Variants in KCNH5 observed in about 807,000 individuals in gnomAD.
KCNH5 encodes potassium voltage-gated channel subfamily H member 5.
Under a neutral mutation model 96.1 loss-of-function variants are expected in KCNH5, and 46 were observed. The observed-to-expected ratio is 0.48, with a 90% CI of 0.38 to 0.61. The LOEUF is 0.61. Among genes scored for constraint, KCNH5 ranks in the 20% least tolerant of loss-of-function variants. The pLI, the probability that KCNH5 is intolerant of heterozygous loss-of-function variation, is 0.00. For synonymous variants in KCNH5, 439 were observed against 449.8 expected, an observed-to-expected ratio of 0.98 and a Z score of 0.30; for missense variants, 907 against 1,225.8, an observed-to-expected ratio of 0.74 and a Z score of 3.88.
At chr14:62,929,618 TATG>T (rs1382793249) in intron 7 of KCNH5, among the ~76,000 whole-genome samples, 2 of 152,098 alleles carry the variant, frequency 1.3e-5, no homozygotes, top group Non-Finnish European at 2.9e-5. Flanking sequence ...AGACTTTAAT[TATG>T]ATATTTTTGA....
chr14:62,712,451 T>C lies in KCNH5; in HGVS notation c.2020-3996A>G, dbSNP rs1047987677. ...TGTAGGACACAGGTCATATTATTCT[T>C]TTATCACAGAGAAGCAAATTGAGGC... On this transcript the variant is annotated intron_variant, in intron 10 of 10. Coordinates refer to ENST00000322893, the MANE Select transcript of KCNH5 (RefSeq NM_139318.5). 1.2e-4 allele frequency: 73 copies of C among 586,190 alleles called. No individual in the cohort carries two copies. In the African/African-American group the frequency reaches 1.2e-3, roughly 10 times the overall value. The allele number at this position is 586,190 out of a possible 1,614,324, so 36.3% of individuals were successfully genotyped here. A position where few individuals can be genotyped will look rare whatever the true frequency, so the allele number is the denominator to read the frequency against.
chr14:62,853,494 A>ATATATATGATATATATATATATAT (rs375695583), intron 7 of KCNH5, among the ~76,000 whole-genome samples: 1 of 102,072 alleles, frequency 9.8e-6, no homozygotes, highest in African/African-American at 3.5e-5. Context: ...ATATATATAT[A>ATATATATGATATATATATATATAT]ATCTTGGCCA....
At chr14:62,910,899 C>CCCCACA (rs1555363116) in intron 7 of KCNH5, among the ~76,000 whole-genome samples, 7 of 140,256 alleles carry the variant, frequency 5.0e-5, no homozygotes, top group African/African-American at 1.6e-4. Flanking sequence ...TGTGCATACA[C>CCCCACA]CACACACACA....
intron 8 of KCNH5, among the ~76,000 whole-genome samples, chr14:62,812,017 A>G (rs953077190): frequency 1.3e-5 from 2 of 152,188 alleles, no homozygotes; most frequent in East Asian, 3.8e-4. Context: ...GATAAAGTGA[A>G]TGTGTCTCAT....
intron 7 of KCNH5, among the ~76,000 whole-genome samples, chr14:62,854,015 A>C (rs1468982041): frequency 1.7e-5 from 2 of 120,080 alleles, no homozygotes; most frequent in Non-Finnish European, 1.9e-5. Flanking sequence ...AAAAAAAAAA[A>C]AAACAAAAAA....
At chr14:62,983,154 G>A (rs962745839) in intron 5 of KCNH5, among the ~76,000 whole-genome samples, 3 of 152,160 alleles carry the variant, frequency 2.0e-5, no homozygotes, top group Non-Finnish European at 4.4e-5. Context: ...TACCACCTTC[G>A]TGGACCCTAA....
intron 7 of KCNH5, among the ~76,000 whole-genome samples, chr14:62,876,628 T>A (rs759359892): frequency 2.6e-5 from 4 of 152,160 alleles, no homozygotes; most frequent in Non-Finnish European, 4.4e-5. Context: ...TAAGGATAAA[T>A]TTAACTGAAT....
intron 4 of KCNH5, among the ~76,000 whole-genome samples, chr14:62,993,771 A>T (rs192640385): frequency 6.6e-6 from 1 of 152,070 alleles, no homozygotes; most frequent in African/African-American, 2.4e-5. Flanking sequence ...AACTTTTCCA[A>T]GTGATACATT....
At chr14:62,777,580 T>C (rs1886123442) in intron 10 of KCNH5, among the ~76,000 whole-genome samples, 1 of 152,198 alleles carries the variant, frequency 6.6e-6, no homozygotes, top group Non-Finnish European at 1.5e-5. Flanking sequence ...ACCCTTTTCC[T>C]ACTATTTGCC....
intron 8 of KCNH5, among the ~76,000 whole-genome samples, chr14:62,838,948 G>A (rs904906761): frequency 3.9e-5 from 6 of 152,138 alleles, no homozygotes; most frequent in Admixed American, 6.6e-5. Context: ...AATGTTGGTT[G>A]TAGCTCATTT....
chr14:62,967,174 G>A (rs943465148), intron 6 of KCNH5, among the ~76,000 whole-genome samples: 1 of 151,994 alleles, frequency 6.6e-6, no homozygotes, highest in African/African-American at 2.4e-5. Context: ...CATAAGCTAT[G>A]GTGTCCTTAT....
At chr14:62,865,867 T>C (rs1166756639) in intron 7 of KCNH5, among the ~76,000 whole-genome samples, 1 of 152,208 alleles carries the variant, frequency 6.6e-6, no homozygotes, top group East Asian at 1.9e-4. Context: ...CAAGTTATTT[T>C]ATATATGATG....
At position 62,865,021 on chromosome 14, in the gene KCNH5, T is replaced by C. The variant is rs183845025; in HGVS notation, c.1370-15169A>G. On this transcript the variant is annotated intron_variant, in intron 7 of 10. Coordinates refer to ENST00000322893, the MANE Select transcript of KCNH5 (RefSeq NM_139318.5). Reference sequence around the variant, plus strand: ...AACAGGTGTTTACTACACCAACCAGTGTCACAGACTGAAAACGAGATGGAA... The same window carrying C: ...AACAGGTGTTTACTACACCAACCAGCGTCACAGACTGAAAACGAGATGGAA... Among the ~76,000 whole-genome samples the C allele has an allele frequency of 6.6e-5, 10 of 152,148 alleles. No individual in the cohort carries two copies. In the East Asian group the frequency reaches 1.7e-3, roughly 26 times the overall value.
rs144632387 is a variant in KCNH5, at chr14:62,813,942, C to T, written c.1570-11361G>A. Among the ~76,000 whole-genome samples the T allele has an allele frequency of 2.4e-3, 358 of 152,276 alleles. 3 individuals are homozygous for T. Among genetic ancestry groups the T allele is most frequent in the East Asian group, 0.02 (104 of 5,170 alleles). Reference sequence around the variant, plus strand: ...AGTCATGCCAAGCAAAAGGAAGTTGCTCTCTGGATGTCACTCTGACAATCT... The same window carrying T: ...AGTCATGCCAAGCAAAAGGAAGTTGTTCTCTGGATGTCACTCTGACAATCT... On this transcript the variant is annotated intron_variant, in intron 8 of 10. Transcript: ENST00000322893.
intron 7 of KCNH5, among the ~76,000 whole-genome samples, chr14:62,948,614 A>C (rs934713000): frequency 4.0e-5 from 6 of 151,584 alleles, no homozygotes; most frequent in East Asian, 1.9e-4. Flanking sequence ...TTCTGAAACT[A>C]TTCCAATCAA....
At chr14:62,993,289 G>A (rs1273962212) in intron 4 of KCNH5, among the ~76,000 whole-genome samples, 1 of 151,856 alleles carries the variant, frequency 6.6e-6, no homozygotes, top group Non-Finnish European at 1.5e-5. Flanking sequence ...GACTACTTTG[G>A]CTATTTGGGG....
chr14:62,868,077 T>C (rs1888170726), intron 7 of KCNH5, among the ~76,000 whole-genome samples: 1 of 152,244 alleles, frequency 6.6e-6, no homozygotes, highest in South Asian at 2.1e-4. Flanking sequence ...TCCCAGGACT[T>C]GGTGCAATCA....
In KCNH5 at chr14:62,772,332, TAA is replaced by T. The variant is rs541702937; in HGVS notation, c.2019+7394_2019+7395del. Among the ~76,000 whole-genome samples, 8 of 152,162 alleles carry T rather than the reference TAA, an allele frequency of 5.3e-5. No individual in the cohort carries two copies. In the South Asian group the frequency reaches 1.7e-3, roughly 32 times the overall value. On this transcript the variant is annotated intron_variant, in intron 10 of 10. Coordinates refer to ENST00000322893, the MANE Select transcript of KCNH5 (RefSeq NM_139318.5). ...TATTAATATCTTTTTAAAAATAACT[TAA>T]GATACAAAAGTGAAAAAGTAGCAGG...
chr14:62,912,549 G>C (rs536059229), intron 7 of KCNH5, among the ~76,000 whole-genome samples: 1 of 151,948 alleles, frequency 6.6e-6, no homozygotes, highest in African/African-American at 2.4e-5. Flanking sequence ...TGGGATTATA[G>C]GTGCCCGCCA....
Sources: allele counts gnomAD v4.1 joint callset (sites outside exome capture counted in the v4.1 genomes callset), GRCh38; gene constraint gnomAD v4.1.1; transcripts MANE v1.5; gene names NCBI Gene and HGNC (gene_info 2026-07-23, HGNC 2026-07-21).